The following FHIP1B variants were observed in gnomAD, a reference collection of about 807,000 sequenced individuals.
The protein encoded by FHIP1B is FHF complex subunit HOOK interacting protein 1B.
In FHIP1B, 28 loss-of-function variants were observed where a neutral mutation model predicts 82.2. That is an observed-to-expected ratio of 0.34 (90% CI 0.25 to 0.47). FHIP1B has a LOEUF of 0.47. FHIP1B is among the 20% of genes least tolerant of loss of function. The probability of loss-of-function intolerance (pLI) is 1.00; values close to 1 mark genes in which losing one functional copy is unlikely to be tolerated. For missense variants in FHIP1B, 1,110 were observed against 1,262.6 expected (o/e 0.88, Z 1.83); for synonymous variants, 585 against 516.1 (o/e 1.13, Z -1.81).
rs1202288638 is a variant in FHIP1B, at chr11:6,223,679, A to G, written c.708T>C (p.Leu236=). The change falls in exon 3 of 12, where the codon CTT becomes CTC. Residue 236 remains leucine, a synonymous_variant. Coordinates refer to ENST00000449352, the MANE Select transcript of FHIP1B (RefSeq NM_001098794.2). This position sits in a 1 kb window ranked among gnomAD's most constrained non-coding sequence, Gnocchi z 4.8. Reference sequence around the variant, plus strand: ...GGCTCCCAGCTGACAAAGCCATGAGAAGAAGTAGGGCATCACGGGCCTGCT... The same window carrying G: ...GGCTCCCAGCTGACAAAGCCATGAGGAGAAGTAGGGCATCACGGGCCTGCT... The part of the protein sequence containing the change: ...LGQQARDALL[L]LMALSAGSPT... 6.2e-7 allele frequency: 1 copy of G among 1,613,314 alleles called. No individual in the cohort carries two copies. The highest frequency in any genetic ancestry group is 8.5e-7 in the Non-Finnish European group (1 of 1,179,538).
Position 6,211,380 on chromosome 11 carries a change from C to A in FHIP1B, c.*126G>T. ...CCTTTTATACATATTGCAACAAGTT[C>A]TCCATAAAACATTCATCTGAAATAA... On this transcript the variant is annotated 3_prime_UTR_variant, in exon 12 of 12. Coordinates refer to ENST00000449352, the MANE Select transcript of FHIP1B (RefSeq NM_001098794.2). 8.1e-7 allele frequency: 1 copy of A among 1,239,870 alleles called. No individual in the cohort carries two copies. Among genetic ancestry groups the A allele is most frequent in the Non-Finnish European group, 1.1e-6 (1 of 903,952 alleles). 76.8% of individuals were successfully genotyped at this position (1,239,870 alleles called of 1,614,324 possible).
chr11:6,224,336 C>T, intron 2 of FHIP1B, 43 bp downstream of exon 2: 1 of 1,614,210 alleles, frequency 6.2e-7, no homozygotes, highest in Non-Finnish European at 8.5e-7. Context: ...TGGGAGAACT[C>T]AGGTGATCAG....
chr11:6,228,898 C>T (rs780069239), intron 1 of FHIP1B, among the ~76,000 whole-genome samples: 2 of 152,210 alleles, frequency 1.3e-5, no homozygotes, highest in Admixed American at 6.5e-5. Flanking sequence ...ATAAAGTCAA[C>T]GGTTGAGAAA....
At chr11:6,222,241 T>C (rs1189911486) in intron 6 of FHIP1B, among the ~76,000 whole-genome samples, 1 of 152,186 alleles carries the variant, frequency 6.6e-6, no homozygotes, top group African/African-American at 2.4e-5. Flanking sequence ...TCTAGATTCA[T>C]CTATCATAAA....
intron 1 of FHIP1B, among the ~76,000 whole-genome samples, chr11:6,231,122 G>A (rs1417651264): frequency 2.0e-5 from 3 of 152,178 alleles, no homozygotes; most frequent in Admixed American, 6.6e-5. Flanking sequence ...AATCATATGA[G>A]GTGAGGGGGA....
At chr11:6,233,444 T>C (rs1193085843) in intron 1 of FHIP1B, among the ~76,000 whole-genome samples, 7 of 152,144 alleles carry the variant, frequency 4.6e-5, no homozygotes, top group Admixed American at 4.6e-4. Flanking sequence ...AAAAGAATGC[T>C]AGTAAGATGA....
intron 6 of FHIP1B, among the ~76,000 whole-genome samples, chr11:6,220,036 G>C (rs1172719226): frequency 6.6e-6 from 1 of 152,136 alleles, no homozygotes; most frequent in Non-Finnish European, 1.5e-5. Context: ...GTAGAAAAGT[G>C]GTCCCTCAAA....
chr11:6,214,153 G>A (rs1159959451), intron 11 of FHIP1B, among the ~76,000 whole-genome samples: 13 of 147,930 alleles, frequency 8.8e-5, no homozygotes, highest in Admixed American at 6.1e-4. Flanking sequence ...TAATAATATC[G>A]CAACCTAGAG....
At chr11:6,221,552 T>A (rs1847408033) in intron 6 of FHIP1B, among the ~76,000 whole-genome samples, 1 of 152,112 alleles carries the variant, frequency 6.6e-6, no homozygotes, top group Non-Finnish European at 1.5e-5. Flanking sequence ...ATTTTACCCC[T>A]CTATTTTTAT....
rs73392991 is a variant in FHIP1B at position 6,217,030 on chromosome 11, T to C, written c.2215+341A>G. On this transcript the variant is annotated intron_variant, in intron 9 of 11. Coordinates refer to ENST00000449352, the MANE Select transcript of FHIP1B (RefSeq NM_001098794.2). ...ACGTCTTCAATATGGTTCAGAAATA[T>C]TGCTGTGATTCACCAGGAAACATCA... is the stretch of plus-strand genomic sequence containing the variant. 2,239 of 693,298 alleles carry C rather than the reference T, an allele frequency of 3.2e-3. 34 individuals carry two copies. In the African/African-American group the frequency reaches 0.035, roughly 11 times the overall value. 42.9% of individuals were successfully genotyped at this position (693,298 alleles called of 1,614,324 possible).
At chr11:6,216,414 A>C (rs897419369) in intron 9 of FHIP1B, among the ~76,000 whole-genome samples, 11 of 152,248 alleles carry the variant, frequency 7.2e-5, no homozygotes, top group African/African-American at 2.4e-4. Context: ...GAGTTCTCAC[A>C]ATGTGCCATA....
chr11:6,230,758 A>C (rs979143122), intron 1 of FHIP1B, among the ~76,000 whole-genome samples: 2 of 152,258 alleles, frequency 1.3e-5, no homozygotes, highest in African/African-American at 4.8e-5. Context: ...GGTGAAACTG[A>C]ACTAGATCCT....
rs760091862 is a variant in FHIP1B at position 6,218,613 on chromosome 11, G to C, written c.1422C>G (p.Ala474=). 9.3e-6 allele frequency: 15 copies of C among 1,614,006 alleles called. No homozygotes were observed. The highest frequency in any genetic ancestry group is 1.3e-5 in the Non-Finnish European group (15 of 1,180,024). ...TGCTAGGCCCACCTCGTGCCCATGA[G>C]GCATGCTCTGGACGAGGTGGGCTGG... ...HAPSPPRPEH[A]SWARGPGSPS... Residue 474 remains alanine, a synonymous_variant, in exon 8 of 12, where the codon GCC becomes GCG. Transcript: ENST00000449352.
At chr11:6,217,034 T>G in intron 9 of FHIP1B, 2 of 695,466 alleles carry the variant, frequency 2.9e-6, no homozygotes, top group Non-Finnish European at 5.3e-6. Flanking sequence ...GAAATATTGC[T>G]GTGATTCACC....
Position 6,223,994 on chromosome 11 carries a change from C to G in FHIP1B, c.393G>C (p.Leu131=), listed in dbSNP as rs769867460. 1 of 1,613,958 alleles carries G rather than the reference C, an allele frequency of 6.2e-7. No homozygotes were observed. Among genetic ancestry groups the G allele is most frequent in the Admixed American group, 1.7e-5 (1 of 60,026 alleles). The change falls in exon 3 of 12, where the codon CTG becomes CTC. Residue 131 remains leucine, a synonymous_variant. Coordinates refer to ENST00000449352, the MANE Select transcript of FHIP1B (RefSeq NM_001098794.2). The surrounding 1 kb of genome is among the most constrained non-coding windows in gnomAD (Gnocchi z 4.8). Reference sequence around the variant, plus strand: ...CGCTCACTAGCATTTCAAATAGTTTCAGTTGCTCAGCCCGCCGTTCCTCGA... The same window carrying G: ...CGCTCACTAGCATTTCAAATAGTTTGAGTTGCTCAGCCCGCCGTTCCTCGA... ...DGVEERRAEQ[L]KLFEMLVSEA... is the part of the protein sequence containing the mutation.
rs1389257058 is a variant in FHIP1B, at chr11:6,211,812, T to A, written c.2613A>T (p.Pro871=). Residue 871 remains proline (P), a synonymous_variant, in exon 12 of 12, where the codon CCA becomes CCT. Coordinates refer to ENST00000449352, the MANE Select transcript of FHIP1B (RefSeq NM_001098794.2). ...ATTGTGCCGCCTGCCGGGCCCTGGTTGGACTGTGTGCATGCCGCAGGAGTA... is the reference window on the plus strand; with the variant it reads ...ATTGTGCCGCCTGCCGGGCCCTGGTAGGACTGTGTGCATGCCGCAGGAGTA... ...GELLLRHAHS[P]TRARQAAQLV... 6 of 1,610,838 alleles carry A rather than the reference T, an allele frequency of 3.7e-6. No homozygotes were observed. In the East Asian group the frequency reaches 1.3e-4, roughly 36 times the overall value.
intron 5 of FHIP1B, 46 bp from the exon 6 acceptor site, chr11:6,222,655 A>C (rs370872055): frequency 6.9e-6 from 11 of 1,601,854 alleles, no homozygotes; most frequent in African/African-American, 2.7e-5. Context: ...GCTTCCCTGC[A>C]CATACAGGGC....
intron 1 of FHIP1B, among the ~76,000 whole-genome samples, chr11:6,233,049 C>T (rs1847739002): frequency 6.6e-6 from 1 of 152,088 alleles, no homozygotes; most frequent in Non-Finnish European, 1.5e-5. Context: ...GTTTAGGAAC[C>T]ACTACTCTAA....
intron 1 of FHIP1B, among the ~76,000 whole-genome samples, chr11:6,225,732 C>T (rs1330059025): frequency 6.6e-6 from 1 of 152,200 alleles, no homozygotes; most frequent in Non-Finnish European, 1.5e-5. Context: ...TTCTGTCTAT[C>T]ACAGGTGCTT....
Sources: allele counts gnomAD v4.1 joint callset (sites outside exome capture counted in the v4.1 genomes callset), GRCh38; gene constraint gnomAD v4.1.1; non-coding constraint Gnocchi (gnomAD v3.1); transcripts MANE v1.5; gene names NCBI Gene and HGNC (gene_info 2026-07-23, HGNC 2026-07-21).